Variants in LRRC4B observed in about 807,000 individuals in gnomAD.
The protein encoded by LRRC4B is leucine-rich repeat-containing protein 4B.
A neutral mutation model predicts 7.3 loss-of-function variants in LRRC4B; 1 was observed. That is an observed-to-expected ratio of 0.14 (90% CI 0.05 to 0.65). The LOEUF is 0.65. Among genes scored for constraint, LRRC4B ranks in the 30% least tolerant of loss-of-function variants. LRRC4B has a pLI of 0.84. For synonymous variants in LRRC4B, 500 were observed against 499.2 expected (o/e 1.00, Z -0.02); for missense variants, 730 against 1,041.6 (o/e 0.70, Z 4.12).
chr19:50,540,037 T>C (rs1981474112), intron 2 of LRRC4B, among the ~76,000 whole-genome samples: 1 of 152,130 alleles, frequency 6.6e-6, no homozygotes, highest in Middle Eastern at 3.2e-3. Context: ...TCTTTTAAAA[T>C]ATATTGCTTA....
chr19:50,554,469 C>T (rs892883819), intron 1 of LRRC4B, among the ~76,000 whole-genome samples: 2 of 152,198 alleles, frequency 1.3e-5, no homozygotes, highest in East Asian at 3.9e-4. Flanking sequence ...AAAGCTACCA[C>T]TCTGCCCAAA....
intron 2 of LRRC4B, among the ~76,000 whole-genome samples, chr19:50,526,856 C>CTTT (rs34995756): frequency 2.8e-3 from 388 of 138,514 alleles, no homozygotes; most frequent in African/African-American, 9.6e-3. Context: ...TTATCTTTTA[C>CTTT]TTTTTTTTTT....
intron 1 of LRRC4B, among the ~76,000 whole-genome samples, chr19:50,561,466 GC>G (rs1982459592): frequency 6.6e-6 from 1 of 152,180 alleles, no homozygotes; most frequent in South Asian, 2.1e-4. Context: ...GGCCGTGGTG[GC>G]TCATGCCTGT....
At chr19:50,525,888 G>A (rs1156746650) in intron 2 of LRRC4B, among the ~76,000 whole-genome samples, 2 of 152,140 alleles carry the variant, frequency 1.3e-5, no homozygotes, top group South Asian at 2.1e-4. Flanking sequence ...TTTAGGCAGG[G>A]CGCATGCCTG....
At chr19:50,558,228 T>C (rs199736354) in intron 1 of LRRC4B, among the ~76,000 whole-genome samples, 197 of 76,788 alleles carry the variant, frequency 2.6e-3, no homozygotes, top group East Asian at 7.9e-3. Flanking sequence ...CACACACACA[T>C]ACACACACAC....
At chr19:50,538,352 C>A (rs867842458) in intron 2 of LRRC4B, among the ~76,000 whole-genome samples, 90 of 152,306 alleles carry the variant, frequency 5.9e-4, no homozygotes, top group African/African-American at 2.1e-3. Flanking sequence ...CGCGAGCCAC[C>A]GCGCCCGGCC....
chr19:50,523,175 C>T (rs1018493293), intron 2 of LRRC4B, among the ~76,000 whole-genome samples: 17 of 152,174 alleles, frequency 1.1e-4, no homozygotes, highest in Non-Finnish European at 2.2e-4. Context: ...GATGACCACG[C>T]CGGGTGCACT....
chr19:50,564,206 A>G (rs1982556080), intron 1 of LRRC4B, among the ~76,000 whole-genome samples: 1 of 152,216 alleles, frequency 6.6e-6, no homozygotes, highest in Non-Finnish European at 1.5e-5. Flanking sequence ...TCCAGGGGGA[A>G]GACGATTCCA....
intron 2 of LRRC4B, among the ~76,000 whole-genome samples, chr19:50,529,799 G>C (rs377460263): frequency 1.3e-5 from 2 of 151,920 alleles, no homozygotes; most frequent in African/African-American, 4.8e-5. Flanking sequence ...GAATCGTCTC[G>C]ATAATAATAA....
intron 1 of LRRC4B, among the ~76,000 whole-genome samples, chr19:50,564,640 G>A (rs1294270520): frequency 6.6e-6 from 1 of 152,050 alleles, no homozygotes; most frequent in African/African-American, 2.4e-5. Context: ...AGGGGAGATG[G>A]AGAGGCGAGA....
chr19:50,552,778 A>G (rs1434013733), intron 1 of LRRC4B, among the ~76,000 whole-genome samples: 2 of 151,954 alleles, frequency 1.3e-5, no homozygotes, highest in South Asian at 2.1e-4. Flanking sequence ...CCATCCATCC[A>G]TCCGTCCACC....
At chr19:50,546,082 C>G (rs1043058847) in intron 2 of LRRC4B, among the ~76,000 whole-genome samples, 1 of 151,812 alleles carries the variant, frequency 6.6e-6, no homozygotes, top group Non-Finnish European at 1.5e-5. Context: ...CGCCTGTAAT[C>G]CCAGCACTTT....
Position 50,518,645 on chromosome 19 carries a change from C to T in LRRC4B, c.1068G>A (p.Gln356=). The change falls in exon 3 of 3, where the codon CAG becomes CAA. Residue 356 remains glutamine (Q), a synonymous_variant. Transcript: ENST00000652263. ...CGGGCGCATAGCAGGTGAAATGCGA[C>T]TGGTCCAGCTCCCCAATGTAGCGCC... ...LKGRYIGELD[Q]SHFTCYAPVI... 1 of 1,611,720 alleles carries T rather than the reference C, an allele frequency of 6.2e-7. No homozygotes were observed. The highest frequency in any genetic ancestry group is 1.1e-5 in the South Asian group (1 of 90,926).
chr19:50,551,433 C>A (rs913617352), intron 1 of LRRC4B, among the ~76,000 whole-genome samples: 28 of 150,450 alleles, frequency 1.9e-4, no homozygotes, highest in Admixed American at 1.3e-3. Context: ...TCCCCGCTCG[C>A]CTCCTCCGGT....
In LRRC4B at chr19:50,548,545, G is replaced by T; in HGVS notation, c.294C>A (p.Ile98=). The change falls in exon 2 of 3, where the codon ATC becomes ATA. Residue 98 remains isoleucine (I), a synonymous_variant. Transcript: ENST00000652263. This position sits in a 1 kb window ranked among gnomAD's most constrained non-coding sequence, Gnocchi z 6.8. ...TCTGCCCGCTGGCCCCGCATACCTG[G>T]ATGCCGTTCTCTTGCAGGTTCAGGT... ...TRYLNLQENG[I]QVIRTDTFKH... is the part of the protein sequence containing the mutation. The T allele has an allele frequency of 6.3e-7, 1 of 1,594,942 alleles. No homozygotes were observed. The highest frequency in any genetic ancestry group is 2.2e-5 in the East Asian group (1 of 44,658).
intron 2 of LRRC4B, among the ~76,000 whole-genome samples, chr19:50,530,507 A>G (rs1014614138): frequency 9.2e-5 from 14 of 152,006 alleles, no homozygotes; most frequent in Admixed American, 5.2e-4. Context: ...ACCCAGCCCA[A>G]AGGTCTCCAC....
intron 2 of LRRC4B, among the ~76,000 whole-genome samples, chr19:50,530,932 G>GGT (rs1555806675): frequency 2.0e-5 from 3 of 149,054 alleles, no homozygotes; most frequent in African/African-American, 7.5e-5. Context: ...GAAACCTGGG[G>GGT]GGGGGGGGTC....
In LRRC4B at chr19:50,518,267, GCCACTGCCCCCTCCAACACCA is replaced by G. The variant is rs1253079900; in HGVS notation, c.1425_1445del (p.Val477_Gly483del). ...TCACCGTGGTGAAGTAGGTGTAGCC[GCCACTGCCCCCTCCAACACCA>G]CCACTGCCCCCAGGGCCGCCCCCGC... On this transcript the variant is annotated inframe_deletion, in exon 3 of 3. Transcript: ENST00000652263. 5.6e-6 allele frequency: 9 copies of G among 1,600,170 alleles called. No individual in the cohort carries two copies. In the East Asian group the frequency reaches 6.8e-5, roughly 12 times the overall value.
chr19:50,529,674 G>A (rs1308271498), intron 2 of LRRC4B, among the ~76,000 whole-genome samples: 1 of 152,054 alleles, frequency 6.6e-6, no homozygotes, highest in African/African-American at 2.4e-5. Context: ...GCGTGATGAT[G>A]CACGCCTGTA....
Sources: gnomAD v4.1 joint callset for allele counts (sites outside exome capture counted in the v4.1 genomes callset) on GRCh38, gnomAD v4.1.1 for gene constraint, Gnocchi (gnomAD v3.1) non-coding constraint, MANE v1.5 for transcripts, NCBI Gene and HGNC (gene_info 2026-07-23, HGNC 2026-07-21) for gene names.